KALRN: variants seen among roughly 807,000 people sequenced by gnomAD.
The protein encoded by KALRN is kalirin RhoGEF kinase.
In KALRN, 70 loss-of-function variants were observed where a neutral mutation model predicts 353.7. The observed-to-expected ratio is 0.20, with a 90% CI of 0.16 to 0.24. The LOEUF is 0.24. Among genes scored for constraint, KALRN ranks in the 10% least tolerant of loss-of-function variants. KALRN has a pLI of 1.00. For synonymous variants in KALRN, 1,391 were observed against 1,434.8 expected, an observed-to-expected ratio of 0.97 and a Z score of 0.69; for missense variants, 2,791 against 3,756.7, an observed-to-expected ratio of 0.74 and a Z score of 6.72.
intron 10 of KALRN, among the ~76,000 whole-genome samples, chr3:124,362,905 A>C (rs1380974068): frequency 6.6e-6 from 1 of 152,196 alleles, no homozygotes; most frequent in Non-Finnish European, 1.5e-5. Flanking sequence ...AATACAGCTA[A>C]GAGAATAGGA....
intron 13 of KALRN, among the ~76,000 whole-genome samples, chr3:124,399,940 A>T (rs190796430): frequency 7.4e-4 from 112 of 152,254 alleles, no homozygotes; most frequent in African/African-American, 2.4e-3. Flanking sequence ...CTTTTCAGGG[A>T]TAGCAAAGGG....
At chr3:124,267,845 T>G (rs1296499946) in intron 4 of KALRN, among the ~76,000 whole-genome samples, 2 of 152,136 alleles carry the variant, frequency 1.3e-5, no homozygotes, top group African/African-American at 4.8e-5. Flanking sequence ...CCTATGTGCT[T>G]TACACACATT....
chr3:124,329,022 G>A (rs1298126633), intron 7 of KALRN, among the ~76,000 whole-genome samples: 1 of 152,146 alleles, frequency 6.6e-6, no homozygotes. Flanking sequence ...AATTTAAATG[G>A]AGCTGTGCAT....
chr3:124,277,729 G>C (rs2074904429), intron 5 of KALRN, among the ~76,000 whole-genome samples: 1 of 152,234 alleles, frequency 6.6e-6, no homozygotes. Flanking sequence ...GGGGAAGAAT[G>C]CTCAGGCATG....
In KALRN at chr3:124,260,132, G is replaced by T. The variant is rs542070678; in HGVS notation, c.264-4366G>T. 4.6e-5 allele frequency among the ~76,000 whole-genome samples: 7 copies of T among 152,282 alleles called. No homozygotes were observed. The South Asian group carries it at 1.2e-3, about 27-fold the overall frequency. Reference sequence around the variant, plus strand: ...TTGCAAGGCCTGATTCTAACATTGTGGTGCCTAGGGCAAGAGTACAAATGG... The same window carrying T: ...TTGCAAGGCCTGATTCTAACATTGTTGTGCCTAGGGCAAGAGTACAAATGG... On this transcript the variant is annotated intron_variant, in intron 3 of 59. Coordinates refer to ENST00000682506, the MANE Select transcript of KALRN (RefSeq NM_001388419.1).
intron 3 of KALRN, among the ~76,000 whole-genome samples, chr3:124,253,688 A>G (rs1280323509): frequency 2.6e-5 from 4 of 152,208 alleles, no homozygotes; most frequent in Admixed American, 6.5e-5. Flanking sequence ...CCTTCCCTGG[A>G]CATCCTAGTG....
chr3:124,405,411 G>C (rs1011694118), intron 13 of KALRN, among the ~76,000 whole-genome samples: 7 of 152,082 alleles, frequency 4.6e-5, no homozygotes, highest in Admixed American at 3.3e-4. Flanking sequence ...GCTTACACAG[G>C]GGGAGAAAAC....
At chr3:124,273,292 A>G (rs916904921) in intron 5 of KALRN, among the ~76,000 whole-genome samples, 1 of 152,214 alleles carries the variant, frequency 6.6e-6, no homozygotes, top group Non-Finnish European at 1.5e-5. Context: ...TCTGTTCCAC[A>G]GATAATTCAT....
chr3:124,236,580 C>G (rs1400967971), intron 3 of KALRN, among the ~76,000 whole-genome samples: 1 of 152,180 alleles, frequency 6.6e-6, no homozygotes, highest in Admixed American at 6.5e-5. Flanking sequence ...TTTTTCTTTC[C>G]TGCGTGTTCA....
In KALRN at chr3:124,413,510, G is replaced by A. The variant is rs368587035; in HGVS notation, c.2387G>A (p.Arg796Gln). 8.7e-6 allele frequency: 14 copies of A among 1,613,974 alleles called. No homozygotes were observed. Among genetic ancestry groups the A allele is most frequent in the Admixed American group, 1.7e-5 (1 of 59,990 alleles). Residue 796 changes from arginine to glutamine, a missense_variant, in exon 14 of 60, where the codon CGG becomes CAG. Physicochemically the swap from Arg to Gln is conservative, Grantham distance 43. Transcript: ENST00000682506. ...GACGCCTGGAATGAAGACTTGCTTC[G>A]GCAGATGAATGACTTCAACACAGAG... is the stretch of plus-strand genomic sequence containing the variant. ...ELDAWNEDLL[R>Q]QMNDFNTEDL...
rs769081060 is a variant in KALRN at position 124,657,814 on chromosome 3, C to T, written c.6036+11C>T. ...CTCTTTATTAAGCACGTGAGTGTCT[C>T]CCATCACCTCCTCCCCAACTCCTTC... On this transcript the variant is annotated intron_variant, in intron 41 of 59. Coordinates refer to ENST00000682506, the MANE Select transcript of KALRN (RefSeq NM_001388419.1). 1.3e-6 allele frequency: 2 copies of T among 1,567,178 alleles called. No individual in the cohort carries two copies. Among genetic ancestry groups the T allele is most frequent in the Admixed American group, 1.7e-5 (1 of 59,818 alleles).
At chr3:124,064,055 A>T (rs1012797708) in intron 1 of KALRN, among the ~76,000 whole-genome samples, 1 of 152,206 alleles carries the variant, frequency 6.6e-6, no homozygotes, top group African/African-American at 2.4e-5. Context: ...AACATTTGTC[A>T]AGTGATTGAG....
intron 1 of KALRN, among the ~76,000 whole-genome samples, chr3:124,135,231 C>G (rs1162366354): frequency 6.6e-6 from 1 of 152,138 alleles, no homozygotes; most frequent in African/African-American, 2.4e-5. Context: ...TTGCAATGAC[C>G]TGGATGAGAT....
chr3:124,525,764 A>T (rs2067536060), intron 33 of KALRN, among the ~76,000 whole-genome samples: 1 of 152,188 alleles, frequency 6.6e-6, no homozygotes. Context: ...ATGCTGACCT[A>T]CTGCTTTATG....
intron 15 of KALRN, among the ~76,000 whole-genome samples, chr3:124,428,506 G>A (rs951284084): frequency 6.6e-6 from 1 of 152,104 alleles, no homozygotes. Context: ...AAGTAAAAAA[G>A]CCAGATTTCT....
chr3:124,529,739 G>A (rs2067882740), intron 33 of KALRN, among the ~76,000 whole-genome samples: 1 of 151,526 alleles, frequency 6.6e-6, no homozygotes, highest in African/African-American at 2.4e-5. Context: ...TGTGCTACTT[G>A]ACTTCTGGGG....
intron 1 of KALRN, among the ~76,000 whole-genome samples, chr3:124,225,720 C>T (rs1284235087): frequency 1.3e-5 from 2 of 152,264 alleles, no homozygotes; most frequent in African/African-American, 2.4e-5. Context: ...GGATGGGGAA[C>T]CCTTTGCTTC....
At chr3:124,182,060 C>T (rs79555815) in intron 1 of KALRN, among the ~76,000 whole-genome samples, 3,164 of 152,010 alleles carry the variant, frequency 0.021, 97 homozygotes, top group African/African-American at 0.072. Context: ...TAAAATTATC[C>T]GAAGGGAATT....
intron 1 of KALRN, among the ~76,000 whole-genome samples, chr3:124,134,883 T>C (rs2065746146): frequency 6.6e-6 from 1 of 152,094 alleles, no homozygotes; most frequent in Non-Finnish European, 1.5e-5. Flanking sequence ...ACAGTAGACA[T>C]TGGCGTGGAT....
Sources: gnomAD v4.1 joint callset for allele counts (sites outside exome capture counted in the v4.1 genomes callset) on GRCh38, gnomAD v4.1.1 for gene constraint, MANE v1.5 for transcripts, NCBI Gene and HGNC (gene_info 2026-07-23, HGNC 2026-07-21) for gene names.